TCF7L2: variants seen among roughly 807,000 people sequenced by gnomAD.
The protein encoded by TCF7L2 is transcription factor 7-like 2.
Under a neutral mutation model 77.9 loss-of-function variants are expected in TCF7L2, and 23 were observed. That is an observed-to-expected ratio of 0.30 (90% confidence interval 0.21 to 0.42). The LOEUF is 0.42. Ranked by LOEUF, TCF7L2 falls within the 10% of genes least tolerant of loss-of-function variation. The probability of loss-of-function intolerance (pLI) is 1.00; values close to 1 mark genes in which losing one functional copy is unlikely to be tolerated. For synonymous variants in TCF7L2, 413 were observed against 340.2 expected (o/e 1.21, Z -2.36); for missense variants, 654 against 793.1 (o/e 0.82, Z 2.11).
chr10:113,071,394 A>C (rs2057991748), intron 5 of TCF7L2, among the ~76,000 whole-genome samples: 1 of 152,100 alleles, frequency 6.6e-6, no homozygotes, highest in Non-Finnish European at 1.5e-5. Flanking sequence ...GGTCCACTGG[A>C]GCAAGAGAAG....
At chr10:113,040,474 A>T (rs2052244486) in intron 5 of TCF7L2, among the ~76,000 whole-genome samples, 1 of 152,148 alleles carries the variant, frequency 6.6e-6, no homozygotes, top group Non-Finnish European at 1.5e-5. Context: ...AGGGCAGGTG[A>T]AGTGAAGAAG....
intron 4 of TCF7L2, among the ~76,000 whole-genome samples, chr10:112,991,043 G>A (rs2042442410): frequency 6.6e-6 from 1 of 152,172 alleles, no homozygotes; most frequent in Admixed American, 6.5e-5. Flanking sequence ...CTCAGCCTCT[G>A]GATCCCTTCT....
chr10:113,158,907 C>T (rs2072532868), intron 12 of TCF7L2, among the ~76,000 whole-genome samples, 190 bp downstream of exon 13: 1 of 139,752 alleles, frequency 7.2e-6, no homozygotes, highest in Non-Finnish European at 1.5e-5. Context: ...TTTAATTTAA[C>T]CTTTGTTTTG....
chr10:113,014,024 G>T (rs957007196), intron 4 of TCF7L2, among the ~76,000 whole-genome samples: 2 of 152,138 alleles, frequency 1.3e-5, no homozygotes, highest in Non-Finnish European at 2.9e-5. Flanking sequence ...CCCCTAAAAG[G>T]GGTCCCTGCG....
chr10:112,989,361 T>TAA (rs879671758), intron 4 of TCF7L2, among the ~76,000 whole-genome samples: 1 of 135,654 alleles, frequency 7.4e-6, no homozygotes. Flanking sequence ...AGTTCACCAT[T>TAA]AAAAAAAAAA....
chr10:113,135,924 C>A lies in TCF7L2; in HGVS notation c.553-5260C>A, dbSNP rs576571047. On this transcript the variant is annotated intron_variant, in intron 5 of 13. Coordinates refer to ENST00000627217, the MANE Select transcript of TCF7L2 (RefSeq NM_001146274.2). ...ACCGAGAGTCCTGAAGCAGCTGTAT[C>A]CAATAGGAAGGTTGGCCCAGGCTGA... 1.6e-4 allele frequency among the ~76,000 whole-genome samples: 25 copies of A among 152,064 alleles called. No individual in the cohort carries two copies. In the South Asian group the frequency reaches 2.7e-3, roughly 16 times the overall value.
chr10:113,158,753 T>C (rs375849577), intron 12 of TCF7L2, 36 bp downstream of exon 13: 23 of 1,595,282 alleles, frequency 1.4e-5, no homozygotes, highest in Non-Finnish European at 1.7e-5. Context: ...AAATAGTTGA[T>C]AAACTGTTTT....
At chr10:112,989,501 T>C (rs2042148217) in intron 4 of TCF7L2, among the ~76,000 whole-genome samples, 1 of 152,186 alleles carries the variant, frequency 6.6e-6, no homozygotes, top group Non-Finnish European at 1.5e-5. Flanking sequence ...TAGTCAATGC[T>C]AATAATTATG....
intron 4 of TCF7L2, among the ~76,000 whole-genome samples, chr10:112,994,131 A>G (rs1484902464): frequency 6.6e-6 from 1 of 152,060 alleles, no homozygotes; most frequent in Admixed American, 6.5e-5. Context: ...GAGGTGTACA[A>G]TTGAGTGATT....
intron 4 of TCF7L2, among the ~76,000 whole-genome samples, chr10:112,991,523 G>GA (rs938937371): frequency 6.9e-5 from 10 of 144,284 alleles, no homozygotes; most frequent in Non-Finnish European, 1.0e-4. Context: ...AAAAAAGAAA[G>GA]AAAAAAAAAG....
chr10:113,066,806 G>A (rs2057321935), intron 5 of TCF7L2, among the ~76,000 whole-genome samples: 1 of 152,230 alleles, frequency 6.6e-6, no homozygotes, highest in South Asian at 2.1e-4. Flanking sequence ...CCATTAAGGA[G>A]AGTTGCCGGT....
intron 5 of TCF7L2, chr10:113,129,453 T>C (rs2066200803): frequency 9.9e-7 from 1 of 1,010,914 alleles, no homozygotes; most frequent in South Asian, 4.0e-5. Context: ...CTTCACGGAT[T>C]CTGTAGTGGC....
chr10:113,144,067 T>C (rs1435152111), intron 7 of TCF7L2, 42 bp downstream of exon 7: 3 of 1,485,900 alleles, frequency 2.0e-6, no homozygotes, highest in East Asian at 2.3e-5. Context: ...GTTTCTTACA[T>C]GGGCATGTTT....
chr10:112,967,616 A>G (rs772897779), intron 4 of TCF7L2, among the ~76,000 whole-genome samples: 9 of 151,226 alleles, frequency 6.0e-5, no homozygotes, highest in South Asian at 2.1e-4. Context: ...CACAAATGAA[A>G]CTAGAAAGAA....
chr10:113,018,079 A>G (rs971281944), intron 4 of TCF7L2, among the ~76,000 whole-genome samples: 3 of 152,162 alleles, frequency 2.0e-5, no homozygotes, highest in Non-Finnish European at 4.4e-5. Context: ...TCACTAAGAG[A>G]CACTGAATAA....
intron 5 of TCF7L2, among the ~76,000 whole-genome samples, chr10:113,116,160 T>A (rs970598460): frequency 1.3e-5 from 2 of 152,204 alleles, no homozygotes; most frequent in African/African-American, 4.8e-5. Context: ...CATGATAATC[T>A]GATGAAAAAT....
rs543779263 is a variant in TCF7L2 at position 113,156,100 on chromosome 10, C to T, written c.1270-1921C>T. 6.0e-5 allele frequency among the ~76,000 whole-genome samples: 9 copies of T among 148,916 alleles called. No individual in the cohort carries two copies. The South Asian group carries it at 1.5e-3, about 25-fold the overall frequency. ...TTCCTGACAGAACCTAACGTGTTCT[C>T]GAGTTTCTTTCTTTCTTTTTTTTTT... On this transcript the variant is annotated intron_variant, in intron 11 of 13. Transcript: ENST00000627217.
intron 5 of TCF7L2, among the ~76,000 whole-genome samples, chr10:113,116,027 G>A (rs2063689961): frequency 1.3e-5 from 2 of 152,146 alleles, no homozygotes; most frequent in African/African-American, 2.4e-5. Context: ...TTTACTCAAT[G>A]TGTGAATGAG....
At chr10:112,990,777 G>A (rs1160715393) in intron 4 of TCF7L2, among the ~76,000 whole-genome samples, 2 of 152,094 alleles carry the variant, frequency 1.3e-5, no homozygotes, top group African/African-American at 4.8e-5. Context: ...TCTTTTACAT[G>A]GCCAAGCCAC....
Sources: allele counts gnomAD v4.1 joint callset (sites outside exome capture counted in the v4.1 genomes callset), GRCh38; gene constraint gnomAD v4.1.1; transcripts MANE v1.5; gene names NCBI Gene and HGNC (gene_info 2026-07-23, HGNC 2026-07-21).